The following CASP14 variants were observed in gnomAD, a reference collection of about 807,000 sequenced individuals.
CASP14 encodes caspase 14, also known as caspase-14.
A neutral mutation model predicts 28.4 loss-of-function variants in CASP14; 27 were observed. The ratio of observed to expected loss-of-function variants is 0.95; its 90% CI spans 0.70 to 1.31. CASP14 has a LOEUF of 1.31. Ranked by LOEUF, CASP14 falls within the 50% of genes most tolerant of loss-of-function variation. The pLI is 0.00. For missense variants in CASP14, 323 were observed against 312.8 expected, an observed-to-expected ratio of 1.03 and a Z score of -0.25; for synonymous variants, 115 against 118.6, an observed-to-expected ratio of 0.97 and a Z score of 0.20.
intron 5 of CASP14, 47 bp from the exon 6 acceptor site, chr19:15,055,383 A>G: frequency 6.3e-7 from 1 of 1,583,586 alleles, no homozygotes; most frequent in South Asian, 1.1e-5. Context: ...GATCCCCTCT[A>G]CCTACCCTCT....
At chr19:15,053,281 C>G (rs1244779118) in intron 2 of CASP14, among the ~76,000 whole-genome samples, 2 of 151,934 alleles carry the variant, frequency 1.3e-5, no homozygotes, top group Non-Finnish European at 2.9e-5. Flanking sequence ...CTATATTTTT[C>G]ATTTTTTGTA....
Position 15,058,292 on chromosome 19 carries a change from A to G in CASP14, c.*2203A>G, listed in dbSNP as rs2046126957. The G allele has an allele frequency of 6.6e-6, 1 of 152,236 alleles. No individual in the cohort carries two copies. The highest frequency in any genetic ancestry group is 2.1e-4 in the South Asian group (1 of 4,830). 9.4% of individuals were successfully genotyped at this position (152,236 alleles called of 1,614,324 possible). A position where few individuals can be genotyped will look rare whatever the true frequency, so the allele number is the denominator to read the frequency against. ...TCAATAAACAGTTGTCAAACTTTGA[A>G]AGAAAGTGTTGAAATCTTTGTTCTG... On this transcript the variant is annotated 3_prime_UTR_variant, in exon 7 of 7. Coordinates refer to ENST00000427043, the MANE Select transcript of CASP14 (RefSeq NM_012114.3).
rs759531896 is a variant in CASP14 at position 15,055,549 on chromosome 19, G to A, written c.624+16G>A. On this transcript the variant is annotated intron_variant, in intron 6 of 6. Transcript: ENST00000427043. ...TCTGACAGAGGTGAGTTGACAAAAG[G>A]TAGCTGGGACCACCGCCCAGGCCAA... 1.3e-6 allele frequency: 2 copies of A among 1,598,884 alleles called. No homozygotes were observed. Among genetic ancestry groups the A allele is most frequent in the Non-Finnish European group, 1.7e-6 (2 of 1,166,192 alleles).
In CASP14 at chr19:15,055,413, C is replaced by T. The variant is rs760453668; in HGVS notation, c.521-17C>T. 3.1e-6 allele frequency: 5 copies of T among 1,612,312 alleles called. No homozygotes were observed. In the South Asian group the frequency reaches 3.3e-5, roughly 11 times the overall value. ...CCCTCTGAAGCTCCCCCGAACCCAC[C>T]TCTCTGGAATTCCCAGGATACATCG... On this transcript the variant is annotated splice_polypyrimidine_tract_variant and intron_variant, in intron 5 of 6. Coordinates refer to ENST00000427043, the MANE Select transcript of CASP14 (RefSeq NM_012114.3).
At chr19:15,053,345 C>T (rs902244830) in intron 2 of CASP14, 137 bp from the exon 3 acceptor site, 24 of 1,040,436 alleles carry the variant, frequency 2.3e-5, no homozygotes, top group Non-Finnish European at 3.0e-5. Flanking sequence ...TGGGCTCAAG[C>T]AATCCTCCCA....
chr19:15,055,917 T>C (rs1479021098), intron 6 of CASP14, 68 bp from the exon 7 acceptor site: 3 of 1,259,974 alleles, frequency 2.4e-6, no homozygotes, highest in Non-Finnish European at 2.3e-6. Flanking sequence ...ACCTGCCCCG[T>C]TCCCTAACCC....
intron 2 of CASP14, 122 bp downstream of exon 2, chr19:15,052,400 T>C (rs1027601032): frequency 2.0e-6 from 2 of 992,500 alleles, no homozygotes; most frequent in Non-Finnish European, 2.8e-6. Flanking sequence ...AGCTAGGAGG[T>C]ACTTTGTAGT....
chr19:15,051,597 A>T (rs2046091317), intron 1 of CASP14, among the ~76,000 whole-genome samples: 1 of 151,988 alleles, frequency 6.6e-6, no homozygotes, highest in Non-Finnish European at 1.5e-5. Context: ...GTATGACAAA[A>T]GTCTGTCTGT....
In CASP14 at chr19:15,055,481, T is replaced by G. The variant is rs143950047; in HGVS notation, c.572T>G (p.Leu191Arg). Residue 191 changes from leucine to arginine, a missense_variant, in exon 6 of 7, where the codon CTG becomes CGG. By Grantham distance (102) the Leu-to-Arg change is moderately radical (BLOSUM62 -2). Coordinates refer to ENST00000427043, the MANE Select transcript of CASP14 (RefSeq NM_012114.3). ...DQKGSCFIQT[L>R]VDVFTKRKGH... ...AAAGGCTCATGCTTTATCCAGACCC[T>G]GGTGGATGTGTTCACGAAGAGGAAA... 14 of 1,614,016 alleles carry G rather than the reference T, an allele frequency of 8.7e-6. No individual in the cohort carries two copies. The highest frequency in any genetic ancestry group is 1.2e-5 in the Non-Finnish European group (14 of 1,180,000).
In CASP14 at chr19:15,049,661, G is replaced by A. The variant is rs545742201; in HGVS notation, c.-47+16G>A. On this transcript the variant is annotated intron_variant, in intron 1 of 6. Transcript: ENST00000427043. Reference sequence around the variant, plus strand: ...TCTAGAGTTGGTAAGTGATTTGGTGGATATTAGCCTCTCTCTCTCTCTCTC... The same window carrying A: ...TCTAGAGTTGGTAAGTGATTTGGTGAATATTAGCCTCTCTCTCTCTCTCTC... 664 of 142,390 alleles carry A rather than the reference G, an allele frequency of 4.7e-3. 5 individuals are homozygous for A. The highest frequency in any genetic ancestry group is 7.0e-3 in the Non-Finnish European group (465 of 66,136). The allele number at this position is 142,390 out of a possible 1,614,324, so 8.8% of individuals were successfully genotyped here.
Position 15,055,241 on chromosome 19 carries a change from A to G in CASP14, c.487A>G (p.Thr163Ala), listed in dbSNP as rs778385845. ...KDSPQTIPTYTDALHVYSTVE... is the reference protein window; with the variant it reads ...KDSPQTIPTYADALHVYSTVE... ...CAGCCCACAAACCATCCCAACATAC[A>G]CAGATGCCTTGCACGTTTATTCCAC... Residue 163 changes from threonine to alanine, a missense_variant, in exon 5 of 7, where the codon ACA becomes GCA. Thr to Ala is a moderately conservative substitution (Grantham distance 58, BLOSUM62 0). Transcript: ENST00000427043. 3.7e-6 allele frequency: 6 copies of G among 1,614,078 alleles called. No individual in the cohort carries two copies. Among genetic ancestry groups the G allele is most frequent in the South Asian group, 1.1e-5 (1 of 91,074 alleles).
In CASP14 at chr19:15,056,318, A is replaced by C. The variant is rs571270904; in HGVS notation, c.*229A>C. 4.9e-5 allele frequency: 21 copies of C among 428,562 alleles called. No homozygotes were observed. Among genetic ancestry groups the C allele is most frequent in the South Asian group, 4.0e-4 (17 of 41,980 alleles). The allele number at this position is 428,562 out of a possible 1,614,324, so 26.5% of individuals were successfully genotyped here. ...ATTAACATCACCTCCCTCAGGCTGG[A>C]CTTTCTATCTTTATTAATGCAACCG... On this transcript the variant is annotated 3_prime_UTR_variant, in exon 7 of 7. Transcript: ENST00000427043.
chr19:15,054,118 G>A (rs977424742), intron 4 of CASP14, among the ~76,000 whole-genome samples, 160 bp downstream of exon 4: 1 of 151,934 alleles, frequency 6.6e-6, no homozygotes, highest in Non-Finnish European at 1.5e-5. Flanking sequence ...CTGAGTAGCT[G>A]AGACTACAGG....
chr19:15,056,318 AC>A lies in CASP14; in HGVS notation c.*230del, dbSNP rs1779717348. 12 of 428,444 alleles carry A rather than the reference AC, an allele frequency of 2.8e-5. No individual in the cohort carries two copies. In the South Asian group the frequency reaches 2.9e-4, roughly 10 times the overall value. 26.5% of individuals were successfully genotyped at this position (428,444 alleles called of 1,614,324 possible). ...ATTAACATCACCTCCCTCAGGCTGG[AC>A]TTTCTATCTTTATTAATGCAACCGA... On this transcript the variant is annotated 3_prime_UTR_variant, in exon 7 of 7. Transcript: ENST00000427043.
rs374377423 is a variant in CASP14 at position 15,053,724 on chromosome 19, T to C, written c.178-9T>C. 1.2e-5 allele frequency: 19 copies of C among 1,612,890 alleles called. No homozygotes were observed. In the African/African-American group the frequency reaches 2.0e-4, roughly 17 times the overall value. ...ACCCAGCTGAGTCTGGTTCTTCCTC[T>C]CACTCCAGCAATTCCAGGAAGAGCT... is the stretch of plus-strand genomic sequence containing the variant. On this transcript the variant is annotated splice_polypyrimidine_tract_variant and intron_variant, in intron 3 of 6. Coordinates refer to ENST00000427043, the MANE Select transcript of CASP14 (RefSeq NM_012114.3).
At chr19:15,052,565 T>A (rs2046095883) in intron 2 of CASP14, among the ~76,000 whole-genome samples, 1 of 152,200 alleles carries the variant, frequency 6.6e-6, no homozygotes, top group East Asian at 1.9e-4. Flanking sequence ...TCATGTTGAT[T>A]TTTTAAAAGA....
chr19:15,050,305 TGTGA>T (rs909565435), intron 1 of CASP14, among the ~76,000 whole-genome samples: 1 of 80,530 alleles, frequency 1.2e-5, no homozygotes, highest in African/African-American at 5.5e-5. Flanking sequence ...TGTGTGTGTG[TGTGA>T]GTGTGTGTGT....
intron 1 of CASP14, among the ~76,000 whole-genome samples, chr19:15,049,904 T>C (rs2046081793): frequency 6.6e-6 from 1 of 152,102 alleles, no homozygotes; most frequent in Admixed American, 6.6e-5. Context: ...CCTGCCACAC[T>C]GTTGGCCATG....
Position 15,056,007 on chromosome 19 carries a change from C to T in CASP14, c.647C>T (p.Ala216Val), listed in dbSNP as rs775445646. The T allele has an allele frequency of 1.2e-6, 2 of 1,608,302 alleles. No individual in the cohort carries two copies. The highest frequency in any genetic ancestry group is 1.7e-6 in the Non-Finnish European group (2 of 1,177,238). Reference protein sequence around the residue: ...LTEVTRRMAEAELVQEGKARK... With the variant: ...LTEVTRRMAEVELVQEGKARK... ...CAGGTGACCCGGCGGATGGCAGAAG[C>T]AGAGCTGGTTCAAGAAGGAAAAGCA... The change falls in exon 7 of 7, where the codon GCA (alanine) becomes GTA (valine). Residue 216 changes from alanine to valine, a missense_variant. By Grantham distance (64) the Ala-to-Val change is moderately conservative. Transcript: ENST00000427043.
Sources: gnomAD v4.1 joint callset for allele counts (sites outside exome capture counted in the v4.1 genomes callset) on GRCh38, gnomAD v4.1.1 for gene constraint, MANE v1.5 for transcripts, NCBI Gene and HGNC (gene_info 2026-07-23, HGNC 2026-07-21) for gene names.